The following BMPR1A variants were observed in gnomAD, a reference collection of about 807,000 sequenced individuals.
The protein encoded by BMPR1A is bone morphogenetic protein receptor type 1A.
BMPR1A carries 7 observed loss-of-function variants against 66.0 expected under a neutral mutation model. That is an observed-to-expected ratio of 0.11 (90% confidence interval 0.06 to 0.20). The LOEUF is 0.20. BMPR1A is among the 10% of genes least tolerant of loss of function. BMPR1A has a pLI of 1.00. For missense variants in BMPR1A, 408 were observed against 669.1 expected (o/e 0.61, Z 4.31); for synonymous variants, 200 against 229.7 (o/e 0.87, Z 1.17).
intron 3 of BMPR1A, among the ~76,000 whole-genome samples, chr10:86,880,391 A>G (rs1015255681): frequency 3.9e-5 from 6 of 152,172 alleles, no homozygotes; most frequent in African/African-American, 1.4e-4. Context: ...GTATTGTAGC[A>G]CTTACCTATG....
chr10:86,896,679 G>T (rs1162347167), intron 5 of BMPR1A, among the ~76,000 whole-genome samples: 1 of 152,122 alleles, frequency 6.6e-6, no homozygotes, highest in East Asian at 1.9e-4. Flanking sequence ...ATTAAAAAAT[G>T]ATGTAACACT....
chr10:86,836,471 C>T (rs1173436746), intron 1 of BMPR1A, among the ~76,000 whole-genome samples: 2 of 151,980 alleles, frequency 1.3e-5, no homozygotes, highest in East Asian at 1.9e-4. Context: ...GATACATGTG[C>T]GGGACTAGCT....
chr10:86,868,556 C>T (rs568646411), intron 2 of BMPR1A, among the ~76,000 whole-genome samples: 2 of 152,354 alleles, frequency 1.3e-5, no homozygotes, highest in East Asian at 3.9e-4. Flanking sequence ...TCTCAGAAAG[C>T]TTGTCAGACC....
chr10:86,786,236 G>A (rs754974764), intron 1 of BMPR1A, among the ~76,000 whole-genome samples: 3 of 152,098 alleles, frequency 2.0e-5, no homozygotes, highest in Non-Finnish European at 4.4e-5. Context: ...ACATACTGTT[G>A]TTTCTCTCAT....
chr10:86,847,413 T>C (rs1030096556), intron 2 of BMPR1A, among the ~76,000 whole-genome samples: 2 of 152,176 alleles, frequency 1.3e-5, no homozygotes, highest in Non-Finnish European at 2.9e-5. Context: ...TTATATCTTA[T>C]GTATTCTTTC....
intron 3 of BMPR1A, among the ~76,000 whole-genome samples, chr10:86,883,549 C>CAA (rs71019436): frequency 0.034 from 1,547 of 45,098 alleles, 64 homozygotes; most frequent in African/African-American, 0.078. Context: ...GACTCCGTCT[C>CAA]AAAAAAAAAA....
At chr10:86,855,053 C>A (rs2133203221) in intron 2 of BMPR1A, 2 of 239,756 alleles carry the variant, frequency 8.3e-6, no homozygotes, top group African/African-American at 2.3e-5. Flanking sequence ...TCTCCTCAGC[C>A]TCCCAAGTAG....
Position 86,917,362 on chromosome 10 carries a change from A to G in BMPR1A, c.868+36A>G, listed in dbSNP as rs1030160388. ...ACTGATTCAGTCAATTTCATTTTTG[A>G]CAAGGCTAGTGAGGTACAGGTGGAA... is the stretch of plus-strand genomic sequence containing the variant. On this transcript the variant is annotated intron_variant, in intron 9 of 12. Transcript: ENST00000372037. 2.5e-6 allele frequency: 4 copies of G among 1,611,464 alleles called. No homozygotes were observed. In the African/African-American group the frequency reaches 4.0e-5, roughly 16 times the overall value.
chr10:86,910,976 G>A (rs1023739083), intron 7 of BMPR1A, among the ~76,000 whole-genome samples: 2 of 151,914 alleles, frequency 1.3e-5, no homozygotes, highest in Non-Finnish European at 2.9e-5. Flanking sequence ...GCAACATGGT[G>A]AAACCTCATC....
At chr10:86,852,552 C>T (rs917516976) in intron 2 of BMPR1A, among the ~76,000 whole-genome samples, 3 of 152,094 alleles carry the variant, frequency 2.0e-5, no homozygotes, top group African/African-American at 7.2e-5. Context: ...GACTACAGAG[C>T]GCAAGACCTT....
At chr10:86,840,730 CCTT>C (rs1187383008) in intron 2 of BMPR1A, among the ~76,000 whole-genome samples, 2 of 152,148 alleles carry the variant, frequency 1.3e-5, no homozygotes, top group Non-Finnish European at 2.9e-5. Context: ...CGCTATTTCT[CCTT>C]CTGTTAATGG....
At chr10:86,832,133 C>T (rs2133072244) in intron 1 of BMPR1A, among the ~76,000 whole-genome samples, 1 of 152,196 alleles carries the variant, frequency 6.6e-6, no homozygotes, top group Non-Finnish European at 1.5e-5. Context: ...CTGTGAATGC[C>T]CTTCTAATGA....
At chr10:86,902,619 A>G (rs2133474834) in intron 7 of BMPR1A, among the ~76,000 whole-genome samples, 1 of 152,370 alleles carries the variant, frequency 6.6e-6, no homozygotes, top group South Asian at 2.1e-4. Context: ...GCTTGTAATC[A>G]GTAAACCCTA....
intron 1 of BMPR1A, among the ~76,000 whole-genome samples, chr10:86,784,720 G>A (rs1406730500): frequency 1.3e-5 from 2 of 152,018 alleles, no homozygotes; most frequent in African/African-American, 2.4e-5. Flanking sequence ...CTGTTTCTTC[G>A]TGATTCAGTC....
chr10:86,832,103 T>A (rs562426880), intron 1 of BMPR1A, among the ~76,000 whole-genome samples: 69 of 152,316 alleles, frequency 4.5e-4, no homozygotes, highest in African/African-American at 1.6e-3. Flanking sequence ...TTAAATAGAT[T>A]GAAAACAGAT....
At chr10:86,792,063 CTTTTTTTTTTTT>C (rs35251758) in intron 1 of BMPR1A, among the ~76,000 whole-genome samples, 1 of 83,602 alleles carries the variant, frequency 1.2e-5, no homozygotes, top group African/African-American at 4.1e-5. Context: ...ACTGTCAGAT[CTTTTTTTTTTTT>C]TTTTTTTTTT....
chr10:86,889,944 C>G (rs1470346870), intron 3 of BMPR1A, 118 bp from the exon 4 acceptor site: 1 of 1,079,176 alleles, frequency 9.3e-7, no homozygotes, highest in Non-Finnish European at 1.4e-6. Context: ...TCTAAAGAAA[C>G]ATGCTAGCTA....
intron 7 of BMPR1A, 68 bp downstream of exon 7, chr10:86,900,194 G>A (rs1458320737): frequency 6.9e-7 from 1 of 1,456,156 alleles, no homozygotes. Flanking sequence ...TGTTTGTAAA[G>A]CCAGTTGCAG....
At chr10:86,898,093 T>G (rs1329465485) in intron 5 of BMPR1A, among the ~76,000 whole-genome samples, 1 of 151,928 alleles carries the variant, frequency 6.6e-6, no homozygotes, top group East Asian at 1.9e-4. Flanking sequence ...TTTTAAAAAT[T>G]ATTATTTTTA....
Sources: allele counts gnomAD v4.1 joint callset (sites outside exome capture counted in the v4.1 genomes callset), GRCh38; gene constraint gnomAD v4.1.1; transcripts MANE v1.5; gene names NCBI Gene and HGNC (gene_info 2026-07-23, HGNC 2026-07-21).